DENND2B: variants seen among roughly 807,000 people sequenced by gnomAD.
The protein encoded by DENND2B is DENN domain containing 2B, also known as DENN domain-containing protein 2B.
A neutral mutation model predicts 116.0 loss-of-function variants in DENND2B; 32 were observed. That is an observed-to-expected ratio of 0.28 (90% confidence interval 0.21 to 0.37). The LOEUF (loss-of-function observed/expected upper bound fraction) is 0.37. Ranked by LOEUF, DENND2B falls within the 10% of genes least tolerant of loss-of-function variation. The probability of loss-of-function intolerance (pLI) is 1.00; values close to 1 mark genes in which losing one functional copy is unlikely to be tolerated. For synonymous variants in DENND2B, 588 were observed against 583.9 expected (o/e 1.01, Z -0.10); for missense variants, 1,276 against 1,477.7 (o/e 0.86, Z 2.24).
intron 9 of DENND2B, chr11:8,711,994 G>A (rs2043814091): frequency 8.8e-6 from 4 of 455,930 alleles, no homozygotes; most frequent in South Asian, 1.5e-5. Context: ...TGAGAAATGA[G>A]AAGGAGCCAG....
chr11:8,781,623 C>G (rs954456573), intron 1 of DENND2B, among the ~76,000 whole-genome samples: 4 of 146,280 alleles, frequency 2.7e-5, no homozygotes, highest in African/African-American at 8.3e-5. Context: ...AATACACACA[C>G]ACACACACAC....
At chr11:8,738,176 G>C (rs1482018641) in intron 2 of DENND2B, among the ~76,000 whole-genome samples, 1 of 152,196 alleles carries the variant, frequency 6.6e-6, no homozygotes, top group Non-Finnish European at 1.5e-5. Flanking sequence ...CCGTCTAAAA[G>C]GGCTGGCCTT....
At chr11:8,801,889 G>A (rs1253042777) in intron 1 of DENND2B, among the ~76,000 whole-genome samples, 1 of 150,990 alleles carries the variant, frequency 6.6e-6, no homozygotes, top group East Asian at 1.9e-4. Flanking sequence ...TTACTCCAGA[G>A]GCTGAGGTGG....
intron 2 of DENND2B, 58 bp from the exon 3 acceptor site, chr11:8,731,267 AC>A (rs1449345542): frequency 2.1e-6 from 3 of 1,405,290 alleles, no homozygotes; most frequent in Non-Finnish European, 2.8e-6. Flanking sequence ...TGGCTGACCA[AC>A]CAGTGGCATC....
At chr11:8,833,266 A>C (rs2062288843) in intron 4 of DENND2B, among the ~76,000 whole-genome samples, 1 of 152,244 alleles carries the variant, frequency 6.6e-6, no homozygotes, top group Non-Finnish European at 1.5e-5. Context: ...TTCTAGGATA[A>C]GCACAGGAGA....
intron 10 of DENND2B, 51 bp downstream of exon 10, chr11:8,711,071 G>A (rs1009248967): frequency 6.3e-7 from 1 of 1,593,390 alleles, no homozygotes; most frequent in East Asian, 2.2e-5. Context: ...CCACGCTATG[G>A]GGGTAAAGAA....
At position 8,726,660 on chromosome 11, in the gene DENND2B, C is replaced by T. The variant is rs142921429; in HGVS notation, c.1341-451G>A. Among the ~76,000 whole-genome samples, 3 of 152,318 alleles carry T rather than the reference C, an allele frequency of 2.0e-5. No homozygotes were observed. The East Asian group carries it at 5.8e-4, about 29-fold the overall frequency. ...GGCCTTGAGCCCTAGAGAATATCCT[C>T]CTTGAGAAGTGTCTGTGATTCCACT... On this transcript the variant is annotated intron_variant, in intron 3 of 19. Transcript: ENST00000313726.
chr11:8,708,156 T>G, intron 11 of DENND2B: 2 of 1,318,334 alleles, frequency 1.5e-6, no homozygotes, highest in Non-Finnish European at 9.7e-7. Context: ...GCAAAGCAGT[T>G]TGGCAGAGGC....
intron 3 of DENND2B, among the ~76,000 whole-genome samples, chr11:8,853,721 G>T (rs543195891): frequency 3.3e-5 from 5 of 152,142 alleles, no homozygotes; most frequent in African/African-American, 9.7e-5. Context: ...GGTAGAAAAA[G>T]AATATAAATA....
At chr11:8,861,960 T>C (rs1001175770) in intron 2 of DENND2B, among the ~76,000 whole-genome samples, 2 of 151,550 alleles carry the variant, frequency 1.3e-5, no homozygotes, top group Non-Finnish European at 2.9e-5. Context: ...TTCTCACTTA[T>C]AGGTGGGAGC....
At chr11:8,765,796 G>T (rs1009084994) in intron 1 of DENND2B, among the ~76,000 whole-genome samples, 23 of 151,910 alleles carry the variant, frequency 1.5e-4, no homozygotes, top group Middle Eastern at 3.2e-3. Flanking sequence ...CTAGTACTTT[G>T]GGAGGCCAAG....
chr11:8,796,730 A>G (rs1199311199), intron 1 of DENND2B, among the ~76,000 whole-genome samples: 1 of 152,172 alleles, frequency 6.6e-6, no homozygotes, highest in East Asian at 1.9e-4. Flanking sequence ...CTTTTTCCAA[A>G]AGTAAATTCC....
chr11:8,821,692 C>G (rs1594105770), intron 4 of DENND2B, among the ~76,000 whole-genome samples: 1 of 152,182 alleles, frequency 6.6e-6, no homozygotes, highest in African/African-American at 2.4e-5. Context: ...AAGACATATG[C>G]AAGTGAAAAA....
chr11:8,790,245 C>G (rs2059265734), intron 1 of DENND2B, among the ~76,000 whole-genome samples: 1 of 152,148 alleles, frequency 6.6e-6, no homozygotes, highest in African/African-American at 2.4e-5. Flanking sequence ...CTCCTTTTCC[C>G]CACTCTCCTC....
chr11:8,698,197 C>T (rs1460863382), intron 16 of DENND2B, among the ~76,000 whole-genome samples: 3 of 147,482 alleles, frequency 2.0e-5, no homozygotes, highest in African/African-American at 7.4e-5. Flanking sequence ...ATTCACTGGC[C>T]TCTGTGACCA....
intron 2 of DENND2B, among the ~76,000 whole-genome samples, chr11:8,736,146 A>G (rs573917729): frequency 1.2e-4 from 18 of 152,276 alleles, no homozygotes; most frequent in Non-Finnish European, 2.1e-4. Flanking sequence ...ACCTATCACC[A>G]AGACCACAGT....
intron 1 of DENND2B, among the ~76,000 whole-genome samples, chr11:8,760,831 C>T (rs2054477236): frequency 1.3e-5 from 2 of 152,152 alleles, no homozygotes; most frequent in Non-Finnish European, 2.9e-5. Context: ...GAGGAACCAA[C>T]ATTTGTTTTG....
chr11:8,765,447 A>G (rs1158936059), intron 1 of DENND2B, among the ~76,000 whole-genome samples: 1 of 152,254 alleles, frequency 6.6e-6, no homozygotes, highest in Non-Finnish European at 1.5e-5. Flanking sequence ...ATGAGTTCAC[A>G]GCTTCAACAA....
chr11:8,908,490 A>G (rs1406233692), intron 1 of DENND2B, among the ~76,000 whole-genome samples: 1 of 152,260 alleles, frequency 6.6e-6, no homozygotes, highest in East Asian at 1.9e-4. Context: ...TATAGATATT[A>G]ACTTACTTGA....
Sources: gnomAD v4.1 joint callset for allele counts (sites outside exome capture counted in the v4.1 genomes callset) on GRCh38, gnomAD v4.1.1 for gene constraint, MANE v1.5 for transcripts, NCBI Gene and HGNC (gene_info 2026-07-23, HGNC 2026-07-21) for gene names.